The following IL1RAPL1 variants were observed in gnomAD, a reference collection of about 807,000 sequenced individuals.
The protein encoded by IL1RAPL1 is interleukin 1 receptor accessory protein like 1.
A neutral mutation model predicts 48.4 loss-of-function variants in IL1RAPL1; 3 were observed. The ratio of observed to expected loss-of-function variants is 0.06; its 90% CI spans 0.03 to 0.16. The LOEUF (loss-of-function observed/expected upper bound fraction) is 0.16, where lower values mean the gene tolerates loss of function less well. Ranked by LOEUF, IL1RAPL1 falls within the 10% of genes least tolerant of loss-of-function variation. IL1RAPL1 has a pLI of 1.00. For synonymous variants in IL1RAPL1, 185 were observed against 187.7 expected (o/e 0.99, Z 0.12); for missense variants, 349 against 530.6 (o/e 0.66, Z 3.36).
intron 3 of IL1RAPL1, among the ~76,000 whole-genome samples, chrX:29,359,022 CA>C (rs954929090): frequency 1.1e-4 from 10 of 93,877 alleles, no homozygotes; most frequent in African/African-American, 1.2e-4. Flanking sequence ...GACTCCATCT[CA>C]AAAAAAAAAA....
Position 29,621,357 on chromosome X carries a change from A to G in IL1RAPL1, c.704-47073A>G, listed in dbSNP as rs180695899. ...TATGGATGCAGATGAGTATATGTAC[A>G]CATATATATAGAATAAATGCATAAA... On this transcript the variant is annotated intron_variant, in intron 5 of 10. Coordinates refer to ENST00000378993, the MANE Select transcript of IL1RAPL1 (RefSeq NM_014271.4). 1.6e-3 allele frequency among the ~76,000 whole-genome samples: 174 copies of G among 111,552 alleles called. 1 individual carries two copies. Among genetic ancestry groups the G allele is most frequent in the African/African-American group, 5.3e-3 (163 of 30,873 alleles).
chrX:29,498,533 A>G (rs1215972475), intron 5 of IL1RAPL1, among the ~76,000 whole-genome samples: 3 of 106,991 alleles, frequency 2.8e-5, no homozygotes, highest in Non-Finnish European at 3.9e-5. Flanking sequence ...TTCATTTTCT[A>G]TTGTTTCAAT....
chrX:29,678,865 G>A (rs1188213370), intron 6 of IL1RAPL1, among the ~76,000 whole-genome samples: 5 of 110,187 alleles, frequency 4.5e-5, no homozygotes, highest in Admixed American at 9.7e-5. Flanking sequence ...CCCACCGCTA[G>A]ATCTGGTCTA....
intron 5 of IL1RAPL1, among the ~76,000 whole-genome samples, chrX:29,407,631 T>A (rs1934090369): frequency 8.9e-6 from 1 of 111,934 alleles, no homozygotes; most frequent in Non-Finnish European, 1.9e-5. Context: ...CTTGAACATA[T>A]AAGCAAGCAA....
At chrX:28,776,282 T>A (rs747597054) in intron 1 of IL1RAPL1, among the ~76,000 whole-genome samples, 1 of 111,882 alleles carries the variant, frequency 8.9e-6, no homozygotes, top group East Asian at 2.8e-4. Flanking sequence ...ACAGTCAATC[T>A]TAGAAGTCAA....
intron 6 of IL1RAPL1, among the ~76,000 whole-genome samples, chrX:29,862,066 A>G (rs1931597003): frequency 9.1e-6 from 1 of 109,583 alleles, no homozygotes. Context: ...AAAAAAAATT[A>G]ACCTTGTGTG....
intron 5 of IL1RAPL1, among the ~76,000 whole-genome samples, chrX:29,507,179 A>G: frequency 9.3e-6 from 1 of 107,274 alleles, no homozygotes; most frequent in Non-Finnish European, 1.9e-5. Flanking sequence ...GCTCTGCATC[A>G]CCATTATGAA....
chrX:29,792,029 C>A (rs1367857855), intron 6 of IL1RAPL1, among the ~76,000 whole-genome samples: 1 of 111,550 alleles, frequency 9.0e-6, no homozygotes, highest in Non-Finnish European at 1.9e-5. Flanking sequence ...CCGTGCCCAG[C>A]CATGTCTCAA....
intron 8 of IL1RAPL1, among the ~76,000 whole-genome samples, chrX:29,929,810 AATTT>A (rs933060313): frequency 7.2e-5 from 8 of 111,544 alleles, no homozygotes; most frequent in African/African-American, 2.6e-4. Flanking sequence ...TTGACTTAAA[AATTT>A]ATTTATACCA....
chrX:29,452,949 G>T (rs766163073), intron 5 of IL1RAPL1, among the ~76,000 whole-genome samples: 2 of 84,653 alleles, frequency 2.4e-5, no homozygotes, highest in South Asian at 1.4e-3. Flanking sequence ...TTTTGAGACG[G>T]AGTCTTGCTC....
intron 2 of IL1RAPL1, among the ~76,000 whole-genome samples, chrX:28,856,732 C>T (rs949540786): frequency 9.0e-6 from 1 of 111,263 alleles, no homozygotes; most frequent in Non-Finnish European, 1.9e-5. Context: ...ACCACTCTAT[C>T]GACTAGCCAC....
chrX:29,906,460 AATATATATATATATAT>A (rs1164023016), intron 6 of IL1RAPL1, among the ~76,000 whole-genome samples: 751 of 29,779 alleles, frequency 0.025, 21 homozygotes, highest in Non-Finnish European at 0.031. Flanking sequence ...TAACTTTGTA[AATATATATATATATAT>A]ATATATATAT....
At chrX:29,767,209 G>A (rs1156928039) in intron 6 of IL1RAPL1, among the ~76,000 whole-genome samples, 1 of 112,182 alleles carries the variant, frequency 8.9e-6, no homozygotes, top group Non-Finnish European at 1.9e-5. Context: ...TCCTGAAGAA[G>A]CATGTATTTA....
chrX:29,879,357 A>ATGTGTGTGTGTGTG (rs370851302), intron 6 of IL1RAPL1, among the ~76,000 whole-genome samples: 1 of 83,981 alleles, frequency 1.2e-5, no homozygotes. Flanking sequence ...AGTTTTATAT[A>ATGTGTGTGTGTGTG]TGTGTGTGTG....
Position 29,399,138 on chromosome X carries a change from G to T in IL1RAPL1, c.550-17G>T. The T allele has an allele frequency of 2.5e-6, 3 of 1,179,632 alleles. No homozygotes were observed. The highest frequency in any genetic ancestry group is 3.6e-5 in the South Asian group (2 of 56,051). On this transcript the variant is annotated splice_polypyrimidine_tract_variant and intron_variant, in intron 4 of 10. Coordinates refer to ENST00000378993, the MANE Select transcript of IL1RAPL1 (RefSeq NM_014271.4). ...CATTACTATATGTACTACCAAAATTGTATGTTCTTCATATAGGAATGCAGG... is the reference window on the plus strand; with the variant it reads ...CATTACTATATGTACTACCAAAATTTTATGTTCTTCATATAGGAATGCAGG...
intron 2 of IL1RAPL1, among the ~76,000 whole-genome samples, chrX:29,064,552 TTTTTTGTTTTTGTTTTTG>T (rs200109419): frequency 9.2e-6 from 1 of 108,954 alleles, no homozygotes; most frequent in Non-Finnish European, 1.9e-5. Context: ...TTTGTTGTTG[TTTTTTGTTTTTGTTTTTG>T]TTTTTGTTTT....
At chrX:28,659,223 G>A in intron 1 of IL1RAPL1, 1 of 742,142 alleles carries the variant, frequency 1.3e-6, no homozygotes, top group Non-Finnish European at 2.1e-6. Flanking sequence ...CTCTGGAAGC[G>A]CAGATCTGTT....
At chrX:29,166,241 T>C (rs1929783756) in intron 2 of IL1RAPL1, among the ~76,000 whole-genome samples, 1 of 112,114 alleles carries the variant, frequency 8.9e-6, no homozygotes, top group South Asian at 3.6e-4. Flanking sequence ...CACAGGAAAA[T>C]GAAGAATAAC....
At chrX:29,311,452 A>G (rs1409030475) in intron 3 of IL1RAPL1, among the ~76,000 whole-genome samples, 1 of 112,093 alleles carries the variant, frequency 8.9e-6, no homozygotes, top group African/African-American at 3.2e-5. Flanking sequence ...GAGCACAGGA[A>G]TACTAGCCTG....
Sources: allele counts gnomAD v4.1 joint callset (sites outside exome capture counted in the v4.1 genomes callset), GRCh38; gene constraint gnomAD v4.1.1; transcripts MANE v1.5; gene names NCBI Gene and HGNC (gene_info 2026-07-23, HGNC 2026-07-21).